The following NRG1 variants were observed in gnomAD, a reference collection of about 807,000 sequenced individuals.
NRG1 encodes the protein pro-neuregulin-1, membrane-bound isoform.
In NRG1, 18 loss-of-function variants were observed where a neutral mutation model predicts 63.8. The ratio of observed to expected loss-of-function variants is 0.28; its 90% CI spans 0.19 to 0.42. NRG1 has a LOEUF of 0.42. NRG1 is among the 10% of genes least tolerant of loss of function. The pLI is 1.00. For missense variants in NRG1, 762 were observed against 814.7 expected (o/e 0.94, Z 0.79); for synonymous variants, 302 against 301.3 (o/e 1.00, Z -0.02).
chr8:31,746,864 G>T lies in NRG1; in HGVS notation c.37+107433G>T, dbSNP rs189703045. Among the ~76,000 whole-genome samples, 163 of 152,046 alleles carry T rather than the reference G, an allele frequency of 1.1e-3. 1 individual carries two copies. The highest frequency in any genetic ancestry group is 6.8e-3 in the Middle Eastern group (2 of 294). On this transcript the variant is annotated intron_variant, in intron 1 of 10. Coordinates refer to the NRG1 transcript ENST00000519301. ...AGGTCTTGTTATTTGCAACAACATG[G>T]ATGGAACTGGAGGCCATTATTTTAA...
At chr8:32,270,924 C>A (rs926320886) in intron 1 of NRG1, among the ~76,000 whole-genome samples, 3 of 152,062 alleles carry the variant, frequency 2.0e-5, no homozygotes, top group Admixed American at 2.0e-4. Context: ...TATTCTAATC[C>A]TCACCAATGG....
chr8:31,784,646 T>A (rs1820010868), intron 1 of NRG1, among the ~76,000 whole-genome samples: 1 of 151,836 alleles, frequency 6.6e-6, no homozygotes, highest in South Asian at 2.1e-4. Context: ...AAGAGCAGGG[T>A]TCTGGGGCTA....
chr8:32,377,745 C>T (rs1809806011), intron 1 of NRG1, among the ~76,000 whole-genome samples: 1 of 152,212 alleles, frequency 6.6e-6, no homozygotes, highest in Non-Finnish European at 1.5e-5. Flanking sequence ...CCAATGTATC[C>T]ATCAAAGTAG....
At chr8:31,984,674 C>T (rs1232847336) in intron 1 of NRG1, among the ~76,000 whole-genome samples, 2 of 152,026 alleles carry the variant, frequency 1.3e-5, no homozygotes, top group South Asian at 2.1e-4. Context: ...ATAACCTTTG[C>T]TTCTCCAACT....
intron 5 of NRG1, among the ~76,000 whole-genome samples, chr8:32,634,118 A>AAAAAAAAAAAAAAAAAAATT (rs1850869778): frequency 6.7e-6 from 1 of 150,080 alleles, no homozygotes; most frequent in African/African-American, 2.5e-5. Context: ...AAAAAAAAAA[A>AAAAAAAAAAAAAAAAAAATT]GGTTGCATAA....
At chr8:32,085,309 T>C (rs1828055072) in intron 1 of NRG1, among the ~76,000 whole-genome samples, 1 of 152,230 alleles carries the variant, frequency 6.6e-6, no homozygotes, top group Non-Finnish European at 1.5e-5. Flanking sequence ...TTCTGCCTTG[T>C]GCTAGAAAGA....
At chr8:32,333,815 C>G (rs568309056) in intron 1 of NRG1, among the ~76,000 whole-genome samples, 4 of 152,090 alleles carry the variant, frequency 2.6e-5, no homozygotes, top group African/African-American at 9.7e-5. Flanking sequence ...ACCCTGTGTA[C>G]GAAATGTATG....
intron 1 of NRG1, among the ~76,000 whole-genome samples, chr8:32,151,919 C>G (rs1262482931): frequency 1.3e-5 from 2 of 151,734 alleles, no homozygotes; most frequent in Non-Finnish European, 2.9e-5. Flanking sequence ...AAAGTGGGAG[C>G]GCTTCAGAAA....
intron 1 of NRG1, among the ~76,000 whole-genome samples, chr8:32,567,266 T>C (rs903092160): frequency 6.6e-6 from 1 of 152,210 alleles, no homozygotes; most frequent in African/African-American, 2.4e-5. Context: ...ATGGACTTTA[T>C]AAACCAAAAT....
At chr8:31,812,326 T>C (rs1822969793) in intron 1 of NRG1, among the ~76,000 whole-genome samples, 1 of 152,176 alleles carries the variant, frequency 6.6e-6, no homozygotes, top group Admixed American at 6.5e-5. Context: ...GGGTTTCTGA[T>C]TTACGAAGTA....
chr8:32,078,031 G>A (rs1826866289), intron 1 of NRG1, among the ~76,000 whole-genome samples: 1 of 152,310 alleles, frequency 6.6e-6, no homozygotes, highest in African/African-American at 2.4e-5. Context: ...ATTTGGTAGT[G>A]TTATTCTTGT....
intron 1 of NRG1, among the ~76,000 whole-genome samples, chr8:32,438,347 T>C (rs1243307100): frequency 2.0e-5 from 3 of 152,220 alleles, no homozygotes; most frequent in Non-Finnish European, 4.4e-5. Flanking sequence ...TCTGGAGATT[T>C]ATCTAGGTGC....
intron 1 of NRG1, among the ~76,000 whole-genome samples, chr8:32,071,545 C>T (rs1376685491): frequency 1.3e-5 from 2 of 152,166 alleles, no homozygotes; most frequent in Admixed American, 6.6e-5. Flanking sequence ...CATGGCCCTT[C>T]CTTCTGCGCC....
rs563721050 is a variant in NRG1, at chr8:31,983,566, G to T, written c.37+344135G>T. 6.6e-5 allele frequency among the ~76,000 whole-genome samples: 10 copies of T among 152,032 alleles called. No individual in the cohort carries two copies. In the South Asian group the frequency reaches 1.7e-3, roughly 25 times the overall value. ...GTCTATTTTTTTAAATTTTTTTGCA[G>T]AAATGGGATCTTGCTATGTTTCCCA... On this transcript the variant is annotated intron_variant, in intron 1 of 10. Transcript: ENST00000519301.
At chr8:32,667,490 T>C (rs1185973139) in intron 5 of NRG1, among the ~76,000 whole-genome samples, 1 of 152,172 alleles carries the variant, frequency 6.6e-6, no homozygotes, top group Non-Finnish European at 1.5e-5. Flanking sequence ...AATGGAACCT[T>C]TTTTTAGTGA....
intron 1 of NRG1, among the ~76,000 whole-genome samples, chr8:32,260,821 G>C (rs974286350): frequency 6.6e-6 from 1 of 152,144 alleles, no homozygotes; most frequent in Non-Finnish European, 1.5e-5. Flanking sequence ...GGCTATGGCA[G>C]ACTTTGCTTG....
intron 1 of NRG1, among the ~76,000 whole-genome samples, chr8:31,920,802 T>G (rs890028574): frequency 6.6e-6 from 1 of 152,098 alleles, no homozygotes; most frequent in Admixed American, 6.6e-5. Context: ...CAGCATTTGG[T>G]AAGTTGTAAG....
rs67438409 is a variant in NRG1 at position 32,087,482 on chromosome 8, C to CTTTTTTTTTT, written c.37+448059_37+448068dup. Among the ~76,000 whole-genome samples, 433 of 90,240 alleles carry CTTTTTTTTTT rather than the reference C, an allele frequency of 4.8e-3. 20 individuals are homozygous for CTTTTTTTTTT. The highest frequency in any genetic ancestry group is 6.4e-3 in the East Asian group (16 of 2,500). 59.2% of individuals were successfully genotyped at this position (90,240 alleles called of 152,430 possible). On this transcript the variant is annotated intron_variant, in intron 1 of 10. Coordinates refer to the NRG1 transcript ENST00000519301. Reference sequence around the variant, plus strand: ...CCAGCCTCAGGTATTTCTTTTCTTTCTTTTTTTTTTTTTTTTTGAGATGGA... The same window carrying CTTTTTTTTTT: ...CCAGCCTCAGGTATTTCTTTTCTTTCTTTTTTTTTTTTTTTTTTTTTTTTTTTGAGATGGA...
At chr8:31,897,679 A>T (rs1831688937) in intron 1 of NRG1, among the ~76,000 whole-genome samples, 2 of 152,064 alleles carry the variant, frequency 1.3e-5, no homozygotes, top group South Asian at 4.1e-4. Flanking sequence ...TATTCATTCT[A>T]GGTCTTTAGA....
Sources: gnomAD v4.1 joint callset for allele counts (sites outside exome capture counted in the v4.1 genomes callset) on GRCh38, gnomAD v4.1.1 for gene constraint, MANE v1.5 for transcripts, NCBI Gene and HGNC (gene_info 2026-07-23, HGNC 2026-07-21) for gene names.